Variants in KAZN observed in about 807,000 individuals in gnomAD.
The protein encoded by KAZN is kazrin, periplakin interacting protein.
A neutral mutation model predicts 87.4 loss-of-function variants in KAZN; 40 were observed. The ratio of observed to expected loss-of-function variants is 0.46; its 90% CI spans 0.36 to 0.60. The LOEUF is 0.60. KAZN is among the 20% of genes least tolerant of loss of function. KAZN has a pLI of 0.00. For missense variants in KAZN, 898 were observed against 1,073.9 expected (o/e 0.84, Z 2.29); for synonymous variants, 466 against 458.3 (o/e 1.02, Z -0.22).
intron 1 of KAZN, among the ~76,000 whole-genome samples, chr1:14,648,279 C>T (rs1680958415): frequency 6.6e-6 from 1 of 152,292 alleles, no homozygotes. Flanking sequence ...GACTGTTTAT[C>T]CCCATCAACT....
intron 1 of KAZN, among the ~76,000 whole-genome samples, chr1:14,022,431 T>G (rs1640869007): frequency 7.3e-6 from 1 of 136,688 alleles, no homozygotes; most frequent in South Asian, 2.2e-4. Context: ...TGACCTATAC[T>G]GAGTATAGGT....
At position 14,773,964 on chromosome 1, in the gene KAZN, A is replaced by G. The variant is rs1645097537; in HGVS notation, c.226+174741A>G. Among the ~76,000 whole-genome samples, 1 of 152,226 alleles carries G rather than the reference A, an allele frequency of 6.6e-6. No homozygotes were observed. The highest frequency in any genetic ancestry group is 1.9e-4 in the East Asian group (1 of 5,180). On this transcript the variant is annotated intron_variant, in intron 1 of 14. Transcript: ENST00000376030. This position sits in a 1 kb window ranked among gnomAD's most constrained non-coding sequence, Gnocchi z 5.9. The stretch of plus-strand genomic sequence containing the variant: ...TCTCACCGCCAAAGCCCTCCAGCCC[A>G]TGGCTGCTGCCAACCAAGGCGCCCT...
chr1:14,786,858 G>A (rs1645524174), intron 1 of KAZN, among the ~76,000 whole-genome samples: 1 of 152,172 alleles, frequency 6.6e-6, no homozygotes, highest in African/African-American at 2.4e-5. Context: ...ATATGCCAGG[G>A]TGAATCTTCT....
intron 1 of KAZN, among the ~76,000 whole-genome samples, chr1:14,770,857 C>A (rs1645000933): frequency 6.6e-6 from 1 of 152,118 alleles, no homozygotes; most frequent in Non-Finnish European, 1.5e-5. Context: ...GTTCTCTTCC[C>A]CTCCCCCAAA....
At chr1:14,133,374 AAAAAAAG>A (rs1645033372) in intron 1 of KAZN, among the ~76,000 whole-genome samples, 1 of 80,350 alleles carries the variant, frequency 1.2e-5, no homozygotes, top group African/African-American at 6.5e-5. Context: ...TCAAAAAAAA[AAAAAAAG>A]AAAGAAAGAA....
chr1:15,078,144 G>A (rs1304093123), intron 8 of KAZN, among the ~76,000 whole-genome samples: 1 of 152,194 alleles, frequency 6.6e-6, no homozygotes. Context: ...GCTGGATGCG[G>A]TGGTTCATGC....
chr1:14,308,134 G>T (rs1655051249), intron 2 of KAZN, among the ~76,000 whole-genome samples: 1 of 152,144 alleles, frequency 6.6e-6, no homozygotes, highest in Non-Finnish European at 1.5e-5. Context: ...AGAGACTAAA[G>T]GCTCTGGATT....
At chr1:14,927,320 G>A (rs780144013) in intron 1 of KAZN, among the ~76,000 whole-genome samples, 2 of 152,162 alleles carry the variant, frequency 1.3e-5, no homozygotes, top group Non-Finnish European at 2.9e-5. Flanking sequence ...CACTGTTGTA[G>A]CTGCCAGGGA....
chr1:14,482,062 G>A (rs1327716303), intron 2 of KAZN, among the ~76,000 whole-genome samples: 1 of 152,216 alleles, frequency 6.6e-6, no homozygotes, highest in Non-Finnish European at 1.5e-5. Flanking sequence ...GCCAACAGGT[G>A]CCAGGCAATG....
intron 1 of KAZN, among the ~76,000 whole-genome samples, chr1:14,032,013 G>A (rs1480248740): frequency 2.6e-5 from 4 of 152,104 alleles, no homozygotes; most frequent in Admixed American, 6.6e-5. Flanking sequence ...CGTCTGGATG[G>A]CTGGCTGGCT....
At chr1:15,017,816 G>A (rs77733850) in intron 2 of KAZN, among the ~76,000 whole-genome samples, 4 of 150,616 alleles carry the variant, frequency 2.7e-5, no homozygotes, top group African/African-American at 4.9e-5. Context: ...AAAAAAAAAA[G>A]CCTTAGAATT....
At position 15,081,800 on chromosome 1, in the gene KAZN, G is replaced by GC. The variant is rs1640017283; in HGVS notation, c.1223-12379dup. On this transcript the variant is annotated intron_variant, in intron 8 of 14. Coordinates refer to ENST00000376030, the MANE Select transcript of KAZN (RefSeq NM_201628.3). This position sits in a 1 kb window ranked among gnomAD's most constrained non-coding sequence, Gnocchi z 4.1. ...ATGCAGGAAGCCCAGGGTGCCAAGGGCAGGGGTGAGAAGCTAAGGATGAAG... is the reference window on the plus strand; with the variant it reads ...ATGCAGGAAGCCCAGGGTGCCAAGGGCCAGGGGTGAGAAGCTAAGGATGAAG... Among the ~76,000 whole-genome samples, 1 of 152,128 alleles carries GC rather than the reference G, an allele frequency of 6.6e-6. No homozygotes were observed. Among genetic ancestry groups the GC allele is most frequent in the South Asian group, 2.1e-4 (1 of 4,824 alleles).
At position 15,094,253 on chromosome 1, in the gene KAZN, G is replaced by A. The variant is rs1057213201; in HGVS notation, c.1296G>A (p.Leu432=). 4 of 1,613,982 alleles carry A rather than the reference G, an allele frequency of 2.5e-6. No individual in the cohort carries two copies. The highest frequency in any genetic ancestry group is 1.1e-5 in the South Asian group (1 of 91,088). Residue 432 remains leucine (L), a synonymous_variant, in exon 9 of 15, where the codon CTG becomes CTA. Coordinates refer to ENST00000376030, the MANE Select transcript of KAZN (RefSeq NM_201628.3). The surrounding 1 kb of genome is among the most constrained non-coding windows in gnomAD (Gnocchi z 4.5). ...LSEGEEQMDR[L]QQVELVRTTP... Reference sequence around the variant, plus strand: ...AAGGCGAGGAGCAGATGGACCGGCTGCAGCAGGTGGAGCTGGTGAGGACCA... The same window carrying A: ...AAGGCGAGGAGCAGATGGACCGGCTACAGCAGGTGGAGCTGGTGAGGACCA...
At chr1:14,177,616 T>G (rs1438738842) in intron 1 of KAZN, among the ~76,000 whole-genome samples, 1 of 152,190 alleles carries the variant, frequency 6.6e-6, no homozygotes, top group African/African-American at 2.4e-5. Context: ...TTGCATAGAT[T>G]CCGATGAGAA....
chr1:14,922,803 A>AG (rs1658676558), intron 1 of KAZN, among the ~76,000 whole-genome samples: 1 of 151,258 alleles, frequency 6.6e-6, no homozygotes. Context: ...AAAAAAAAAA[A>AG]AAAAAAAAAA....
At chr1:14,060,035 T>A (rs1642725103) in intron 1 of KAZN, among the ~76,000 whole-genome samples, 1 of 152,214 alleles carries the variant, frequency 6.6e-6, no homozygotes. Context: ...CCACTGTCTA[T>A]TAAAAACAGT....
intron 1 of KAZN, among the ~76,000 whole-genome samples, chr1:13,960,114 A>G (rs993923358): frequency 2.0e-5 from 3 of 152,090 alleles, no homozygotes; most frequent in Non-Finnish European, 4.4e-5. Context: ...CACAGAATTT[A>G]TCATTAAAAA....
intron 1 of KAZN, among the ~76,000 whole-genome samples, chr1:14,004,364 T>C (rs1057492067): frequency 6.6e-6 from 1 of 152,230 alleles, no homozygotes; most frequent in Non-Finnish European, 1.5e-5. Context: ...CCATCTGAAA[T>C]GCATATGTAT....
At chr1:14,678,783 C>T (rs571706948) in intron 1 of KAZN, among the ~76,000 whole-genome samples, 155 of 152,098 alleles carry the variant, frequency 1.0e-3, no homozygotes, top group Non-Finnish European at 2.0e-3. Flanking sequence ...TTGCCTGGCT[C>T]TCAGCAAGGG....
Sources: gnomAD v4.1 joint callset for allele counts (sites outside exome capture counted in the v4.1 genomes callset) on GRCh38, gnomAD v4.1.1 for gene constraint, Gnocchi (gnomAD v3.1) non-coding constraint, MANE v1.5 for transcripts, NCBI Gene and HGNC (gene_info 2026-07-23, HGNC 2026-07-21) for gene names.